SLC12A5: variants seen among roughly 807,000 people sequenced by gnomAD.
SLC12A5 encodes K-Cl cotransporter 2.
A neutral mutation model predicts 124.0 loss-of-function variants in SLC12A5; 18 were observed. The ratio of observed to expected loss-of-function variants is 0.15; its 90% CI spans 0.10 to 0.22. The LOEUF (loss-of-function observed/expected upper bound fraction) is 0.22, where lower values mean the gene tolerates loss of function less well. Ranked by LOEUF, SLC12A5 falls within the 10% of genes least tolerant of loss-of-function variation. SLC12A5 has a pLI of 1.00. For synonymous variants in SLC12A5, 589 were observed against 568.0 expected (o/e 1.04, Z -0.53); for missense variants, 867 against 1,478.7 (o/e 0.59, Z 6.78).
At position 46,057,595 on chromosome 20, in the gene SLC12A5, T is replaced by G. The variant is rs756392554; in HGVS notation, c.3341T>G (p.Ile1114Ser). The change falls in exon 26 of 26, where the codon ATC becomes AGC. Residue 1114 changes from isoleucine to serine, a missense_variant. Around this residue, in one of 9 missense-constraint regions of SLC12A5, gnomAD observed 180 missense variants for 243.6 expected, o/e 0.74. Coordinates refer to ENST00000243964, the MANE Select transcript of SLC12A5 (RefSeq NM_020708.5). This position sits in a 1 kb window ranked among gnomAD's most constrained non-coding sequence, Gnocchi z 7.1. ...GGCGGCGGCCGCGAGGTCATCACCA[T>G]CTACTCCTGAGAACCAGGACCTGCC... ...VRGGGREVITIYS is the reference protein window; with the variant it reads ...VRGGGREVITSYS 1 of 1,613,494 alleles carries G rather than the reference T, an allele frequency of 6.2e-7. No homozygotes were observed. Among genetic ancestry groups the G allele is most frequent in the Non-Finnish European group, 8.5e-7 (1 of 1,179,704 alleles).
At chr20:46,040,882 G>A in intron 7 of SLC12A5, 1 of 524,288 alleles carries the variant, frequency 1.9e-6, no homozygotes, top group Non-Finnish European at 3.4e-6. Context: ...GTGGGAATGA[G>A]TTCCAAAGCA....
At position 46,053,783 on chromosome 20, in the gene SLC12A5, A is replaced by G; in HGVS notation, c.2679+74A>G. ...CTTGGCCCCAGCACCAAGTAGGGCA[A>G]CTCTAACACCCATCAGCTTATGATG... On this transcript the variant is annotated intron_variant, in intron 20 of 25. Transcript: ENST00000243964. This position sits in a 1 kb window ranked among gnomAD's most constrained non-coding sequence, Gnocchi z 4.7. 6.9e-7 allele frequency: 1 copy of G among 1,447,632 alleles called. No homozygotes were observed. The highest frequency in any genetic ancestry group is 9.2e-7 in the Non-Finnish European group (1 of 1,083,228). The allele number at this position is 1,447,632 out of a possible 1,614,324, so 89.7% of individuals were successfully genotyped here. A position where few individuals can be genotyped will look rare whatever the true frequency, so the allele number is the denominator to read the frequency against.
At chr20:46,025,183 T>C (rs1409524077), upstream of SLC12A5, among the ~76,000 whole-genome samples, 1 of 152,206 alleles carries the variant, frequency 6.6e-6, no homozygotes, top group Non-Finnish European at 1.5e-5. Context: ...GATTTTGTGA[T>C]GATTTGGAAG....
chr20:46,047,434 G>C lies in SLC12A5; in HGVS notation c.1788-20G>C. ...CAGCCCTGCTGGGGCTCAGAGGCTG[G>C]GTCTCCCCACCTTGTCTAGGACCCT... On this transcript the variant is annotated intron_variant, in intron 14 of 25. Coordinates refer to ENST00000243964, the MANE Select transcript of SLC12A5 (RefSeq NM_020708.5). 2.5e-6 allele frequency: 4 copies of C among 1,611,598 alleles called. No individual in the cohort carries two copies. Among genetic ancestry groups the C allele is most frequent in the Non-Finnish European group, 3.4e-6 (4 of 1,178,336 alleles).
rs2084547427 is a variant in SLC12A5, at chr20:46,041,528, G to A, written c.1054G>A (p.Gly352Ser). 6.2e-7 allele frequency: 1 copy of A among 1,613,902 alleles called. No individual in the cohort carries two copies. The highest frequency in any genetic ancestry group is 1.1e-5 in the South Asian group (1 of 91,066). ...CCAGGGCATCCCTGGTGCTGCCAGT[G>A]GCCTCATCAAAGGTCTGCGGAGGGA... ...EIQGIPGAAS[G>S]LIKENLWSSY... Residue 352 changes from glycine (G) to serine (S), a missense_variant, in exon 8 of 26, where the codon GGC becomes AGC. Physicochemically the swap from Gly to Ser is moderately conservative, Grantham distance 56. Around this residue, in one of 9 missense-constraint regions of SLC12A5, gnomAD observed 127 missense variants for 164.1 expected, o/e 0.77. Coordinates refer to ENST00000243964, the MANE Select transcript of SLC12A5 (RefSeq NM_020708.5).
Position 46,035,790 on chromosome 20 carries a change from G to C in SLC12A5, c.293G>C (p.Gly98Ala). ...KKKPVQAPRMGTFMGVYLPCL... is the reference protein window; with the variant it reads ...KKKPVQAPRMATFMGVYLPCL... Reference sequence around the variant, plus strand: ...CCTCCCTGGCAGGCCCCACGCATGGGCACCTTCATGGGCGTGTACCTGCCG... The same window carrying C: ...CCTCCCTGGCAGGCCCCACGCATGGCCACCTTCATGGGCGTGTACCTGCCG... The change falls in exon 4 of 26, where the codon GGC (glycine) becomes GCC (alanine). Residue 98 changes from glycine to alanine, a missense_variant. Physicochemically the swap from Gly to Ala is moderately conservative, Grantham distance 60. Around this residue, in one of 9 missense-constraint regions of SLC12A5, gnomAD observed 126 missense variants for 291.6 expected, o/e 0.43. Transcript: ENST00000243964. 6.2e-7 allele frequency: 1 copy of C among 1,613,160 alleles called. No individual in the cohort carries two copies.
In SLC12A5 at chr20:46,044,747, G is replaced by C. The variant is rs6032631; in HGVS notation, c.1395-219G>C. The C allele has an allele frequency of 4.9e-3, 2,803 of 575,064 alleles. 69 individuals carry two copies. The highest frequency in any genetic ancestry group is 0.048 in the African/African-American group (2,536 of 52,928). 35.6% of individuals were successfully genotyped at this position (575,064 alleles called of 1,614,324 possible). A position where few individuals can be genotyped will look rare whatever the true frequency, so the allele number is the denominator to read the frequency against. On this transcript the variant is annotated intron_variant, in intron 11 of 25. Coordinates refer to ENST00000243964, the MANE Select transcript of SLC12A5 (RefSeq NM_020708.5). ...GGACGTGGGGCTGGGACCTATGCTG[G>C]AGACAGGCCTAGAGGCCTGGTTTTC... is the stretch of plus-strand genomic sequence containing the variant.
chr20:46,032,082 C>G (rs2145478427), intron 1 of SLC12A5, among the ~76,000 whole-genome samples: 1 of 152,362 alleles, frequency 6.6e-6, no homozygotes, highest in South Asian at 2.1e-4. Flanking sequence ...CCGCCCTCTC[C>G]CCTGCCCTCA....
At chr20:46,029,180 C>A (rs1350895312), upstream of SLC12A5, 4 of 1,429,010 alleles carry the variant, frequency 2.8e-6, no homozygotes, top group African/African-American at 5.9e-5. Flanking sequence ...GAGCGTGTGT[C>A]CGTGTGCGAG....
chr20:46,027,323 T>A (rs1422350699), upstream of SLC12A5, among the ~76,000 whole-genome samples: 4 of 152,232 alleles, frequency 2.6e-5, no homozygotes. Context: ...GTGGCAGCGA[T>A]ACTTGATTGG....
At chr20:46,035,664 G>T in intron 3 of SLC12A5, 113 bp from the exon 4 acceptor site, 2 of 1,508,864 alleles carry the variant, frequency 1.3e-6, no homozygotes. Flanking sequence ...AGGGATGAAG[G>T]GTTGAGAATA....
intron 1 of SLC12A5, chr20:46,022,070 G>A: frequency 1.4e-6 from 1 of 735,070 alleles, no homozygotes; most frequent in Non-Finnish European, 2.0e-6. Context: ...GGAACGCAAA[G>A]TGTGGAGGGG....
intron 2 of SLC12A5, chr20:46,023,254 T>G: frequency 5.0e-6 from 2 of 398,274 alleles, no homozygotes; most frequent in Non-Finnish European, 8.8e-6. Context: ...CTCCTTCCAC[T>G]CTTCATCTTT....
chr20:46,039,847 T>C (rs1031104732), intron 6 of SLC12A5, among the ~76,000 whole-genome samples: 2 of 152,096 alleles, frequency 1.3e-5, no homozygotes, highest in Non-Finnish European at 2.9e-5. Flanking sequence ...CTACATCATC[T>C]TTTTTAATAG....
At position 46,053,243 on chromosome 20, in the gene SLC12A5, G is replaced by C. The variant is rs1023453525; in HGVS notation, c.2547+117G>C. 3.3e-5 allele frequency: 38 copies of C among 1,139,692 alleles called. No homozygotes were observed. In the South Asian group the frequency reaches 5.9e-4, roughly 18 times the overall value. 70.6% of individuals were successfully genotyped at this position (1,139,692 alleles called of 1,614,324 possible). ...GGGGCTCTGGCCAGGGTCAGCTTCC[G>C]TGTCCTTCCTCCCCTGTAAACTCCT... On this transcript the variant is annotated intron_variant, in intron 19 of 25. Transcript: ENST00000243964. This position sits in a 1 kb window ranked among gnomAD's most constrained non-coding sequence, Gnocchi z 4.7.
At chr20:46,047,420 G>C (rs775329510) in intron 14 of SLC12A5, 34 bp from the exon 15 acceptor site, 4 of 1,608,422 alleles carry the variant, frequency 2.5e-6, no homozygotes, top group Non-Finnish European at 3.4e-6. Flanking sequence ...AGCCCTGCTG[G>C]GGCTCAGAGG....
Position 46,045,244 on chromosome 20 carries a change from C to T in SLC12A5, c.1569+104C>T. The T allele has an allele frequency of 7.5e-7, 1 of 1,328,330 alleles. No homozygotes were observed. The highest frequency in any genetic ancestry group is 1.5e-5 in the South Asian group (1 of 67,810). 82.3% of individuals were successfully genotyped at this position (1,328,330 alleles called of 1,614,324 possible). ...GCCATAACCAGCCTTAGACTACCTC[C>T]TGGGCCACTTCTGCTCTGTACTGCA... On this transcript the variant is annotated intron_variant, in intron 12 of 25. Transcript: ENST00000243964. The surrounding 1 kb of genome is among the most constrained non-coding windows in gnomAD (Gnocchi z 4.9).
In SLC12A5 at chr20:46,054,919, G is replaced by A. The variant is rs755702599; in HGVS notation, c.2683G>A (p.Glu895Lys). 1.9e-6 allele frequency: 3 copies of A among 1,612,272 alleles called. No homozygotes were observed. In the South Asian group the frequency reaches 3.3e-5, roughly 18 times the overall value. ...TAEVEVVEMH[E>K]SDISAYTYEK... The stretch of plus-strand genomic sequence containing the variant: ...CCCAACCTCTGTCTGCCCACAGCAT[G>A]AGAGCGACATCTCAGCTTACACCTA... The change falls in exon 21 of 26, where the codon GAG (glutamate) becomes AAG (lysine). Residue 895 changes from glutamate (E) to lysine (K), a missense_variant. By Grantham distance (56) the Glu-to-Lys change is moderately conservative. Coordinates refer to ENST00000243964, the MANE Select transcript of SLC12A5 (RefSeq NM_020708.5).
chr20:46,057,573 G>A lies in SLC12A5; in HGVS notation c.3319G>A (p.Gly1107Ser). The A allele has an allele frequency of 1.2e-6, 2 of 1,613,948 alleles. No homozygotes were observed. Among genetic ancestry groups the A allele is most frequent in the Non-Finnish European group, 1.7e-6 (2 of 1,179,942 alleles). ...GGACCGGGTGATGCTGGTCCGCGGC[G>A]GCGGCCGCGAGGTCATCACCATCTA... ...HLDRVMLVRG[G>S]GREVITIYS Residue 1107 changes from glycine (G) to serine (S), a missense_variant, in exon 26 of 26, where the codon GGC (glycine) becomes AGC (serine). This residue lies in a region of SLC12A5 where 180 missense variants were observed against 243.6 expected (regional missense o/e 0.74). Transcript: ENST00000243964. The surrounding 1 kb of genome is among the most constrained non-coding windows in gnomAD (Gnocchi z 7.1).
Sources: gnomAD v4.1 joint callset for allele counts (sites outside exome capture counted in the v4.1 genomes callset) on GRCh38, gnomAD v4.1.1 for gene constraint, gnomAD v4.1.1 regional missense constraint, Gnocchi (gnomAD v3.1) non-coding constraint, MANE v1.5 for transcripts, NCBI Gene and HGNC (gene_info 2026-07-23, HGNC 2026-07-21) for gene names.